The following GOT2 variants were observed in gnomAD, a reference collection of about 807,000 sequenced individuals.
The protein encoded by GOT2 is glutamic-oxaloacetic transaminase 2.
In GOT2, 17 loss-of-function variants were observed where a neutral mutation model predicts 50.0. That is an observed-to-expected ratio of 0.34 (90% CI 0.23 to 0.51). The LOEUF (loss-of-function observed/expected upper bound fraction) is 0.51. Ranked by LOEUF, GOT2 falls within the 20% of genes least tolerant of loss-of-function variation. The probability of loss-of-function intolerance (pLI) is 0.97; values close to 1 mark genes in which losing one functional copy is unlikely to be tolerated. For synonymous variants in GOT2, 172 were observed against 204.9 expected (o/e 0.84, Z 1.37); for missense variants, 430 against 559.6 (o/e 0.77, Z 2.34).
chr16:58,717,999 T>C (rs1271576138), intron 6 of GOT2, among the ~76,000 whole-genome samples, 197 bp downstream of exon 6: 1 of 152,264 alleles, frequency 6.6e-6, no homozygotes, highest in Non-Finnish European at 1.5e-5. Flanking sequence ...AAAAAATTAC[T>C]TTCAAATACT....
intron 1 of GOT2, among the ~76,000 whole-genome samples, chr16:58,732,518 G>A (rs59830878): frequency 0.01 from 1,533 of 152,196 alleles, 20 homozygotes; most frequent in African/African-American, 0.034. Flanking sequence ...GTTGCATTAC[G>A]TGAAAAATCA....
chr16:58,715,677 C>T (rs1250256779), intron 8 of GOT2, among the ~76,000 whole-genome samples: 2 of 152,278 alleles, frequency 1.3e-5, no homozygotes, highest in East Asian at 3.9e-4. Context: ...CTCATCCTCC[C>T]GAGTAGCTGG....
At chr16:58,719,285 G>A (rs1393017320) in intron 3 of GOT2, 30 bp from the exon 4 acceptor site, 2 of 1,533,922 alleles carry the variant, frequency 1.3e-6, no homozygotes, top group Non-Finnish European at 1.8e-6. Flanking sequence ...GGTCAGTGAT[G>A]TGCAACACTC....
At chr16:58,730,298 C>A (rs748789510) in intron 1 of GOT2, among the ~76,000 whole-genome samples, 51 of 152,092 alleles carry the variant, frequency 3.4e-4, no homozygotes, top group South Asian at 2.5e-3. Flanking sequence ...AAGCATAGTA[C>A]CTGACAGTTA....
intron 3 of GOT2, among the ~76,000 whole-genome samples, chr16:58,720,378 G>C (rs1286667400): frequency 6.6e-6 from 1 of 152,076 alleles, no homozygotes. Context: ...GTTTTTGTTT[G>C]TTGTTTTTAA....
In GOT2 at chr16:58,718,203, A is replaced by G. The variant is rs1468954464; in HGVS notation, c.695T>C (p.Val232Ala). Residue 232 changes from valine (V) to alanine (A), a missense_variant, in exon 6 of 10, where the codon GTG becomes GCG. Physicochemically the swap from Val to Ala is moderately conservative, Grantham distance 64. Coordinates refer to ENST00000245206, the MANE Select transcript of GOT2 (RefSeq NM_002080.4). ...TGAGTTCATCGTCCTCACCTTCACC[A>G]CTGTTGCTATTTCCTTCCACTGTTC... ...RPEQWKEIAT[V>A]VKKRNLFAFF... is the part of the protein sequence containing the mutation. 1.2e-6 allele frequency: 2 copies of G among 1,609,216 alleles called. No individual in the cohort carries two copies. The highest frequency in any genetic ancestry group is 2.2e-5 in the East Asian group (1 of 44,866).
At chr16:58,719,991 C>T (rs868688481) in intron 3 of GOT2, among the ~76,000 whole-genome samples, 4 of 152,224 alleles carry the variant, frequency 2.6e-5, no homozygotes, top group Middle Eastern at 3.4e-3. Flanking sequence ...CACCTGAGGT[C>T]AGGAGTTCGA....
chr16:58,723,562 G>C (rs1369952092), intron 2 of GOT2, among the ~76,000 whole-genome samples, 184 bp downstream of exon 2: 1 of 152,096 alleles, frequency 6.6e-6, no homozygotes, highest in Non-Finnish European at 1.5e-5. Flanking sequence ...AAAACAGGTG[G>C]TTCCAACCTC....
chr16:58,710,396 CTTTTTT>C (rs774270272), intron 8 of GOT2, among the ~76,000 whole-genome samples: 1 of 138,746 alleles, frequency 7.2e-6, no homozygotes, highest in African/African-American at 2.6e-5. Flanking sequence ...ATTTTCTTTT[CTTTTTT>C]TTTTTTTTTT....
At chr16:58,711,590 T>TGAAGTAAAACCTA in intron 8 of GOT2, among the ~76,000 whole-genome samples, 1 of 152,346 alleles carries the variant, frequency 6.6e-6, no homozygotes, top group South Asian at 2.1e-4. Context: ...CTTCACCCAG[T>TGAAGTAAAACCTA]GAAACGTTTT....
rs778088685 is a variant in GOT2 at position 58,734,130 on chromosome 16, C to T, written c.89+10G>A. 3 of 1,316,818 alleles carry T rather than the reference C, an allele frequency of 2.3e-6. No individual in the cohort carries two copies. The highest frequency in any genetic ancestry group is 2.7e-5 in the South Asian group (1 of 37,708). 81.6% of individuals were successfully genotyped at this position (1,316,818 alleles called of 1,614,324 possible). A position where few individuals can be genotyped will look rare whatever the true frequency, so the allele number is the denominator to read the frequency against. On this transcript the variant is annotated intron_variant, in intron 1 of 9. Coordinates refer to ENST00000245206, the MANE Select transcript of GOT2 (RefSeq NM_002080.4). ...TCGCCCTGGCTCCATCTCCGTTTCC[C>T]TTGGCTTACCTGGCTCTGGCAGAGG...
chr16:58,732,617 G>A (rs1156720443), intron 1 of GOT2, among the ~76,000 whole-genome samples: 1 of 152,154 alleles, frequency 6.6e-6, no homozygotes, highest in Non-Finnish European at 1.5e-5. Context: ...AGTAGGTAAA[G>A]TCTCCGCTCT....
intron 9 of GOT2, 73 bp downstream of exon 9, chr16:58,709,344 G>A: frequency 3.3e-6 from 4 of 1,213,328 alleles, no homozygotes; most frequent in East Asian, 2.5e-5. Context: ...AAAGAAAAAA[G>A]AAAAAAAAGT....
intron 1 of GOT2, among the ~76,000 whole-genome samples, chr16:58,729,712 T>A (rs1012678118): frequency 5.2e-5 from 7 of 133,542 alleles, no homozygotes; most frequent in African/African-American, 1.8e-4. Flanking sequence ...CTGGTATACC[T>A]TTTAAGAATT....
intron 8 of GOT2, among the ~76,000 whole-genome samples, chr16:58,711,522 A>G (rs558729866): frequency 1.3e-5 from 2 of 152,342 alleles, no homozygotes; most frequent in Non-Finnish European, 1.5e-5. Flanking sequence ...ATGCACGGTT[A>G]GAAGAGAGAT....
chr16:58,709,618 A>C, intron 8 of GOT2, 51 bp from the exon 9 acceptor site: 1 of 1,527,674 alleles, frequency 6.5e-7, no homozygotes, highest in South Asian at 1.2e-5. Context: ...ACTGACCGAT[A>C]TGCTGGAGTT....
chr16:58,718,988 T>C (rs2044718498), intron 4 of GOT2, among the ~76,000 whole-genome samples: 1 of 152,214 alleles, frequency 6.6e-6, no homozygotes, highest in Admixed American at 6.5e-5. Context: ...AAATAGTAAG[T>C]TCCTAGTGAA....
intron 1 of GOT2, among the ~76,000 whole-genome samples, chr16:58,731,393 C>T (rs1348262111): frequency 6.6e-6 from 1 of 152,192 alleles, no homozygotes; most frequent in Non-Finnish European, 1.5e-5. Context: ...ATCCACCTGC[C>T]TCAGCCTCCC....
chr16:58,716,409 G>T, intron 7 of GOT2: 1 of 597,872 alleles, frequency 1.7e-6, no homozygotes, highest in Non-Finnish European at 2.9e-6. Context: ...CTTGGCTCAC[G>T]GATTTGTTAC....
Sources: gnomAD v4.1 joint callset for allele counts (sites outside exome capture counted in the v4.1 genomes callset) on GRCh38, gnomAD v4.1.1 for gene constraint, MANE v1.5 for transcripts, NCBI Gene and HGNC (gene_info 2026-07-23, HGNC 2026-07-21) for gene names.